The following ABL2 variants were observed in gnomAD, a reference collection of about 807,000 sequenced individuals.
ABL2 encodes the protein tyrosine-protein kinase ABL2.
ABL2 carries 49 observed loss-of-function variants against 107.7 expected under a neutral mutation model. The observed-to-expected ratio is 0.45, with a 90% CI of 0.36 to 0.58. The LOEUF (loss-of-function observed/expected upper bound fraction) is 0.58. Among genes scored for constraint, ABL2 ranks in the 20% least tolerant of loss-of-function variants. The pLI is 0.00. For synonymous variants in ABL2, 549 were observed against 548.6 expected, an observed-to-expected ratio of 1.00 and a Z score of -0.01; for missense variants, 1,245 against 1,457.0, an observed-to-expected ratio of 0.85 and a Z score of 2.37.
chr1:179,110,537 T>C, intron 10 of ABL2, 82 bp from the exon 11 acceptor site: 1 of 1,534,448 alleles, frequency 6.5e-7, no homozygotes, highest in Non-Finnish European at 8.7e-7. Context: ...GGCACACAAC[T>C]GAGAAAGAAC....
Position 179,108,486 on chromosome 1 carries a change from G to C in ABL2, c.2781C>G (p.His927Gln). 1.2e-6 allele frequency: 2 copies of C among 1,614,224 alleles called. No homozygotes were observed. The highest frequency in any genetic ancestry group is 1.7e-6 in the Non-Finnish European group (2 of 1,180,042). Residue 927 changes from histidine to glutamine, a missense_variant, in exon 12 of 12, where the codon CAC becomes CAG. This residue lies in a region of ABL2 where 761 missense variants were observed against 766.4 expected (regional missense o/e 0.99). Transcript: ENST00000502732. ...AGATAAGGACTGGCACTTTGTGGTT[G>C]TGAGTGGTTGGGAGGACGGGGGCAG... is the stretch of plus-strand genomic sequence containing the variant. ...AKAAPVLPTT[H>Q]NHKVPVLISP...
At chr1:179,136,297 A>C (rs1413884240) in intron 1 of ABL2, among the ~76,000 whole-genome samples, 2 of 151,646 alleles carry the variant, frequency 1.3e-5, no homozygotes, top group Non-Finnish European at 2.9e-5. Context: ...AGATTGAGAA[A>C]TCGGATGGTT....
intron 1 of ABL2, among the ~76,000 whole-genome samples, chr1:179,158,243 G>A (rs563348045): frequency 2.4e-4 from 36 of 152,292 alleles, no homozygotes; most frequent in Middle Eastern, 3.4e-3. Flanking sequence ...CTGGACTTTT[G>A]AGCATCACAA....
In ABL2 at chr1:179,184,259, T is replaced by C. The variant is rs1660557537; in HGVS notation, c.157+44982A>G. The C allele has an allele frequency of 1.1e-5, 6 of 531,858 alleles. No individual in the cohort carries two copies. In the South Asian group the frequency reaches 1.2e-4, roughly 11 times the overall value. 32.9% of individuals were successfully genotyped at this position (531,858 alleles called of 1,614,324 possible). On this transcript the variant is annotated intron_variant, in intron 1 of 11. Coordinates refer to ENST00000502732, the MANE Select transcript of ABL2 (RefSeq NM_007314.4). The stretch of plus-strand genomic sequence containing the variant: ...GTTACAGAATAGACTTTTATTTTGA[T>C]GAAAATCCTTCCTTTAAAAATAAAG...
intron 1 of ABL2, among the ~76,000 whole-genome samples, chr1:179,225,673 A>G (rs1183302953): frequency 1.2e-4 from 18 of 152,196 alleles, no homozygotes; most frequent in Non-Finnish European, 7.3e-5. Flanking sequence ...GCTGCTAAAC[A>G]TCCTACAATG....
At chr1:179,124,603 G>A (rs2636291) in intron 4 of ABL2, among the ~76,000 whole-genome samples, 79,924 of 151,074 alleles carry the variant, frequency 0.53, 21,293 homozygotes, top group Middle Eastern at 0.6. Flanking sequence ...TGAGTAACTG[G>A]GATTACAGTC....
intron 1 of ABL2, chr1:179,184,337 C>A: frequency 1.7e-6 from 1 of 574,138 alleles, no homozygotes; most frequent in Non-Finnish European, 3.1e-6. Context: ...CTTCAAAGTC[C>A]ACTGAAATCA....
At position 179,108,841 on chromosome 1, in the gene ABL2, T is replaced by C. The variant is rs1653741383; in HGVS notation, c.2426A>G (p.Lys809Arg). 5.0e-6 allele frequency: 8 copies of C among 1,614,204 alleles called. No homozygotes were observed. Among genetic ancestry groups the C allele is most frequent in the East Asian group, 2.2e-5 (1 of 44,874 alleles). ...MTLPRNCQRS[K>R]LQLERTVSTS... ...GGACACTGTCCTTTCCAGCTGGAGT[T>C]TGGACCTCTGGCAGTTCCTGGGAAG... The change falls in exon 12 of 12, where the codon AAA (lysine) becomes AGA (arginine). Residue 809 changes from lysine to arginine, a missense_variant. Around this residue, in one of 3 missense-constraint regions of ABL2, gnomAD observed 761 missense variants for 766.4 expected, o/e 0.99. Coordinates refer to ENST00000502732, the MANE Select transcript of ABL2 (RefSeq NM_007314.4).
rs1653951113 is a variant in ABL2 at position 179,110,533 on chromosome 1, CA to C, written c.1652-79del. ...GGGAGTTCTTTTCAGAAAAGGCACA[CA>C]ACTGAGAAAGAACTGGCAAGTAGAG... On this transcript the variant is annotated intron_variant, in intron 10 of 11. Transcript: ENST00000502732. The C allele has an allele frequency of 6.5e-6, 10 of 1,537,070 alleles. 1 individual carries two copies. The South Asian group carries it at 6.5e-5, about 10-fold the overall frequency.
At chr1:179,201,761 T>A in intron 1 of ABL2, 1 of 818,620 alleles carries the variant, frequency 1.2e-6, no homozygotes, top group South Asian at 1.4e-5. Flanking sequence ...TTCCCACCAA[T>A]AGGGAAAATT....
At chr1:179,202,583 A>C (rs978655908) in intron 1 of ABL2, among the ~76,000 whole-genome samples, 6 of 152,228 alleles carry the variant, frequency 3.9e-5, no homozygotes, top group African/African-American at 1.4e-4. Context: ...TTACACCAGC[A>C]AATTAAGTAA....
chr1:179,110,624 T>A, intron 10 of ABL2, 169 bp from the exon 11 acceptor site: 1 of 1,520,202 alleles, frequency 6.6e-7, no homozygotes, highest in South Asian at 1.3e-5. Flanking sequence ...TCGCCCAGTA[T>A]CATGTGTGTA....
chr1:179,113,883 G>A lies in ABL2; in HGVS notation c.1561+995C>T, dbSNP rs559924635. Among the ~76,000 whole-genome samples the A allele has an allele frequency of 1.3e-4, 19 of 151,780 alleles. 1 individual carries two copies. In the South Asian group the frequency reaches 2.5e-3, roughly 20 times the overall value. On this transcript the variant is annotated intron_variant, in intron 9 of 11. Coordinates refer to ENST00000502732, the MANE Select transcript of ABL2 (RefSeq NM_007314.4). ...CGAGAGGTGGAGCTTGCAGTGAGCCGAGATCGCGCCACTGCACTCCAGCCT... is the reference window on the plus strand; with the variant it reads ...CGAGAGGTGGAGCTTGCAGTGAGCCAAGATCGCGCCACTGCACTCCAGCCT...
At chr1:179,112,230 T>G in intron 10 of ABL2, 79 bp downstream of exon 10, 2 of 1,279,360 alleles carry the variant, frequency 1.6e-6, no homozygotes, top group Non-Finnish European at 2.2e-6. Flanking sequence ...TTGATCATTT[T>G]TGAAATGTAA....
At chr1:179,118,387 T>G (rs1654863069) in intron 7 of ABL2, among the ~76,000 whole-genome samples, 200 bp downstream of exon 7, 1 of 152,118 alleles carries the variant, frequency 6.6e-6, no homozygotes, top group South Asian at 2.1e-4. Flanking sequence ...GGTTTGAGAA[T>G]AGCAAAGGCC....
chr1:179,217,112 G>A (rs183740177), intron 1 of ABL2, among the ~76,000 whole-genome samples: 3,097 of 148,012 alleles, frequency 0.021, 116 homozygotes, highest in African/African-American at 0.074. Context: ...CCTGGCCAAC[G>A]TGGTGAAACC....
chr1:179,153,892 G>T (rs1658522044), intron 1 of ABL2, among the ~76,000 whole-genome samples: 1 of 133,524 alleles, frequency 7.5e-6, no homozygotes, highest in Non-Finnish European at 1.8e-5. Context: ...AATCCATTTT[G>T]TTCCTACTCC....
chr1:179,229,173 A>AACCCCCCCCCCCC lies in ABL2; in HGVS notation c.157+67_157+68insGGGGGGGGGGGGT. ...CGACCCCTCGGGCAGCCCGTCCGCC[A>AACCCCCCCCCCCC]CCCACCCCGCCCCGACCCCACCCCC... On this transcript the variant is annotated intron_variant, in intron 1 of 11. Coordinates refer to ENST00000502732, the MANE Select transcript of ABL2 (RefSeq NM_007314.4). The AACCCCCCCCCCCC allele has an allele frequency of 9.0e-6, 2 of 223,208 alleles. 1 individual carries two copies. The highest frequency in any genetic ancestry group is 1.4e-5 in the Non-Finnish European group (2 of 139,496). The allele number at this position is 223,208 out of a possible 1,614,324, so 13.8% of individuals were successfully genotyped here. A position where few individuals can be genotyped will look rare whatever the true frequency, so the allele number is the denominator to read the frequency against.
At chr1:179,184,541 C>A in intron 1 of ABL2, 2 of 573,064 alleles carry the variant, frequency 3.5e-6, no homozygotes, top group Non-Finnish European at 6.3e-6. Context: ...ACTTGGTTAC[C>A]GACTGATATG....
Sources: gnomAD v4.1 joint callset for allele counts (sites outside exome capture counted in the v4.1 genomes callset) on GRCh38, gnomAD v4.1.1 for gene constraint, gnomAD v4.1.1 regional missense constraint, MANE v1.5 for transcripts, NCBI Gene and HGNC (gene_info 2026-07-23, HGNC 2026-07-21) for gene names.